Variants in HPCAL1 observed in about 807,000 individuals in gnomAD.
The protein encoded by HPCAL1 is hippocalcin like 1.
Under a neutral mutation model 17.1 loss-of-function variants are expected in HPCAL1, and 8 were observed. That is an observed-to-expected ratio of 0.47 (90% CI 0.27 to 0.84). The LOEUF is 0.84. Ranked by LOEUF, HPCAL1 falls within the 40% of genes least tolerant of loss-of-function variation. HPCAL1 has a pLI of 0.13. For synonymous variants in HPCAL1, 112 were observed against 111.4 expected (o/e 1.01, Z -0.03); for missense variants, 165 against 271.1 (o/e 0.61, Z 2.75).
intron 2 of HPCAL1, among the ~76,000 whole-genome samples, chr2:10,397,998 A>G (rs1356934642): frequency 6.6e-6 from 1 of 152,090 alleles, no homozygotes; most frequent in Non-Finnish European, 1.5e-5. Context: ...TGGTATCTGG[A>G]CCAGCAGGAC....
chr2:10,391,000 G>A (rs1353841780), intron 1 of HPCAL1, among the ~76,000 whole-genome samples: 4 of 152,210 alleles, frequency 2.6e-5, no homozygotes, highest in Non-Finnish European at 4.4e-5. Flanking sequence ...TGAAGGCAGA[G>A]AGATCTTAAG....
rs370698086 is a variant in HPCAL1 at position 10,344,989 on chromosome 2, C to G, written c.-111+41812C>G. 2.4e-4 allele frequency among the ~76,000 whole-genome samples: 37 copies of G among 151,504 alleles called. No homozygotes were observed. The highest frequency in any genetic ancestry group is 4.3e-4 in the Non-Finnish European group (29 of 67,842). On this transcript the variant is annotated intron_variant, in intron 1 of 4. Coordinates refer to ENST00000307845, the MANE Select transcript of HPCAL1 (RefSeq NM_002149.4). The surrounding 1 kb of genome is among the most constrained non-coding windows in gnomAD (Gnocchi z 4.9). Reference sequence around the variant, plus strand: ...CATCTCTCTCTCTTTTTCTGTGTGTCTCTCTCTCTGTGCCTTTCAGTCTCT... The same window carrying G: ...CATCTCTCTCTCTTTTTCTGTGTGTGTCTCTCTCTGTGCCTTTCAGTCTCT...
chr2:10,416,021 CCTT>C (rs1345525330), intron 2 of HPCAL1, among the ~76,000 whole-genome samples: 4 of 152,234 alleles, frequency 2.6e-5, no homozygotes, highest in Non-Finnish European at 5.9e-5. Context: ...CTCTACCTGT[CCTT>C]CTGCCGTCCA....
rs147365659 is a variant in HPCAL1 at position 10,379,855 on chromosome 2, C to T, written c.-110-16980C>T. Among the ~76,000 whole-genome samples the T allele has an allele frequency of 2.9e-3, 443 of 152,276 alleles. 1 individual carries two copies. The highest frequency in any genetic ancestry group is 0.01 in the African/African-American group (422 of 41,546). ...GACAATAGCATTGAAGAGGCTTGAG[C>T]GCACACTCAGAACCAGTGGCTCTTT... On this transcript the variant is annotated intron_variant, in intron 1 of 4. Transcript: ENST00000307845.
chr2:10,423,401 C>A lies in HPCAL1; in HGVS notation c.484+313C>A, dbSNP rs1671193770. On this transcript the variant is annotated intron_variant, in intron 4 of 4. Transcript: ENST00000307845. ...CAATGTTTAGGGGCAGGGAGGCAAGCATGCTGGTGGCCCTGAACCTGGAGG... is the reference window on the plus strand; with the variant it reads ...CAATGTTTAGGGGCAGGGAGGCAAGAATGCTGGTGGCCCTGAACCTGGAGG... The A allele has an allele frequency of 1.4e-5, 4 of 286,414 alleles. No individual in the cohort carries two copies. The South Asian group carries it at 1.7e-4, about 12-fold the overall frequency. The allele number at this position is 286,414 out of a possible 1,614,324, so 17.7% of individuals were successfully genotyped here.
At chr2:10,402,415 C>T (rs1000733494) in intron 2 of HPCAL1, among the ~76,000 whole-genome samples, 1 of 152,104 alleles carries the variant, frequency 6.6e-6, no homozygotes, top group Non-Finnish European at 1.5e-5. Flanking sequence ...AATCTGTGGC[C>T]TCTGGTGCTG....
intron 1 of HPCAL1, among the ~76,000 whole-genome samples, chr2:10,339,617 G>A (rs993353852): frequency 3.9e-5 from 6 of 152,198 alleles, no homozygotes; most frequent in African/African-American, 1.4e-4. Flanking sequence ...CCAAAGTGTT[G>A]GGATTACAGG....
intron 3 of HPCAL1, 130 bp downstream of exon 3, chr2:10,420,265 A>C (rs975341073): frequency 3.7e-6 from 3 of 809,058 alleles, no homozygotes; most frequent in African/African-American, 3.9e-5. Flanking sequence ...ACTGGAGTGC[A>C]GTGGCACTAT....
intron 2 of HPCAL1, among the ~76,000 whole-genome samples, chr2:10,414,487 T>G (rs1433957073): frequency 6.6e-6 from 1 of 152,198 alleles, no homozygotes; most frequent in Admixed American, 6.5e-5. Flanking sequence ...GTTTCCCCTG[T>G]GTGTCTGTGT....
intron 1 of HPCAL1, among the ~76,000 whole-genome samples, chr2:10,396,455 C>T (rs1262344912): frequency 6.6e-6 from 1 of 152,122 alleles, no homozygotes; most frequent in African/African-American, 2.4e-5. Flanking sequence ...GGAGGCTGTG[C>T]GTCTGTGATG....
At chr2:10,353,941 G>C (rs1665987135) in intron 1 of HPCAL1, among the ~76,000 whole-genome samples, 2 of 152,192 alleles carry the variant, frequency 1.3e-5, no homozygotes, top group Admixed American at 6.5e-5. Context: ...AGCAGGCAGA[G>C]ATCTGCTGAC....
intron 1 of HPCAL1, among the ~76,000 whole-genome samples, chr2:10,319,840 C>T (rs1663560610): frequency 1.3e-5 from 2 of 151,968 alleles, no homozygotes; most frequent in Non-Finnish European, 2.9e-5. Flanking sequence ...CTCAGGGATT[C>T]GTTTCCCAGC....
intron 2 of HPCAL1, among the ~76,000 whole-genome samples, chr2:10,403,772 C>T (rs1183927454): frequency 6.6e-6 from 1 of 152,048 alleles, no homozygotes; most frequent in Non-Finnish European, 1.5e-5. Context: ...TGTGAGCCAC[C>T]GAGTCCGGCC....
rs16856165 is a variant in HPCAL1 at position 10,377,152 on chromosome 2, T to C, written c.-110-19683T>C. Among the ~76,000 whole-genome samples, 21,838 of 152,174 alleles carry C rather than the reference T, an allele frequency of 0.14. 2,447 individuals are homozygous for C. Among genetic ancestry groups the C allele is most frequent in the East Asian group, 0.48 (2,485 of 5,150 alleles). On this transcript the variant is annotated intron_variant, in intron 1 of 4. Coordinates refer to ENST00000307845, the MANE Select transcript of HPCAL1 (RefSeq NM_002149.4). This position sits in a 1 kb window ranked among gnomAD's most constrained non-coding sequence, Gnocchi z 5.9. ...GGGTGTGCACCGTTAACTTCTTTAA[T>C]GAACATCCTGCTGTTCAATAGTGAG...
chr2:10,356,088 G>A (rs369082032), intron 1 of HPCAL1, among the ~76,000 whole-genome samples: 2 of 152,152 alleles, frequency 1.3e-5, no homozygotes, highest in African/African-American at 2.4e-5. Context: ...CGAGGGAACC[G>A]CCAGTTCATT....
At chr2:10,358,854 G>C (rs544836077) in intron 1 of HPCAL1, among the ~76,000 whole-genome samples, 1 of 152,278 alleles carries the variant, frequency 6.6e-6, no homozygotes, top group East Asian at 1.9e-4. Context: ...GATACAGAAA[G>C]TCCTCTGTCC....
Position 10,349,455 on chromosome 2 carries a change from CG to C in HPCAL1, c.-111+46279del, listed in dbSNP as rs1266293150. Among the ~76,000 whole-genome samples, 147 of 151,490 alleles carry C rather than the reference CG, an allele frequency of 9.7e-4. 1 individual carries two copies. Among genetic ancestry groups the C allele is most frequent in the African/African-American group, 3.4e-3 (141 of 41,294 alleles). ...GGGCACGGTGGCTCACACCTGTAAT[CG>C]CAGCACTTTGGGAGGCTGAGGCGGG... On this transcript the variant is annotated intron_variant, in intron 1 of 4. Coordinates refer to ENST00000307845, the MANE Select transcript of HPCAL1 (RefSeq NM_002149.4).
At position 10,344,117 on chromosome 2, in the gene HPCAL1, CA is replaced by C. The variant is rs1318025139; in HGVS notation, c.-111+40944del. On this transcript the variant is annotated intron_variant, in intron 1 of 4. Transcript: ENST00000307845. This position sits in a 1 kb window ranked among gnomAD's most constrained non-coding sequence, Gnocchi z 4.9. ...AAAACACAACACGAAAAAGCCAGAACAAAACAAGCAGACGGTTGAGGACTGC... is the reference window on the plus strand; with the variant it reads ...AAAACACAACACGAAAAAGCCAGAACAAACAAGCAGACGGTTGAGGACTGC... Among the ~76,000 whole-genome samples the C allele has an allele frequency of 1.3e-5, 2 of 152,210 alleles. No homozygotes were observed. Among genetic ancestry groups the C allele is most frequent in the African/African-American group, 4.8e-5 (2 of 41,452 alleles).
In HPCAL1 at chr2:10,342,858, C is replaced by G. The variant is rs1187877290; in HGVS notation, c.-111+39681C>G. ...TCCATCTCATGGCTGAAGACCAAGG[C>G]TATGGCCTGTGGGTGGCAGTTGGTA... On this transcript the variant is annotated intron_variant, in intron 1 of 4. Transcript: ENST00000307845. The surrounding 1 kb of genome is among the most constrained non-coding windows in gnomAD (Gnocchi z 4.1). 2.0e-5 allele frequency among the ~76,000 whole-genome samples: 3 copies of G among 152,228 alleles called. No homozygotes were observed. The highest frequency in any genetic ancestry group is 4.4e-5 in the Non-Finnish European group (3 of 68,034).
Sources: allele counts gnomAD v4.1 joint callset (sites outside exome capture counted in the v4.1 genomes callset), GRCh38; gene constraint gnomAD v4.1.1; non-coding constraint Gnocchi (gnomAD v3.1); transcripts MANE v1.5; gene names NCBI Gene and HGNC (gene_info 2026-07-23, HGNC 2026-07-21).